The following CBR4 variants were observed in gnomAD, a reference collection of about 807,000 sequenced individuals.
The protein encoded by CBR4 is 3-oxoacyl-[acyl-carrier-protein] reductase.
A neutral mutation model predicts 21.0 loss-of-function variants in CBR4; 22 were observed. The ratio of observed to expected loss-of-function variants is 1.05; its 90% CI spans 0.75 to 1.50. CBR4 has a LOEUF of 1.50. Among genes scored for constraint, CBR4 ranks in the 40% most tolerant of loss-of-function variants. CBR4 has a pLI of 0.00. For synonymous variants in CBR4, 100 were observed against 104.4 expected (o/e 0.96, Z 0.26); for missense variants, 302 against 286.3 (o/e 1.05, Z -0.40).
At chr4:168,935,618 C>G (rs998104657) in intron 2 of CBR4, among the ~76,000 whole-genome samples, 1 of 152,088 alleles carries the variant, frequency 6.6e-6, no homozygotes, top group South Asian at 2.1e-4. Flanking sequence ...GGCAGTTATC[C>G]CCTCACGGTA....
At chr4:168,898,231 C>A (rs1040102146) in intron 2 of CBR4, 7 of 502,224 alleles carry the variant, frequency 1.4e-5, no homozygotes, top group Admixed American at 3.2e-5. Context: ...CCCCTCGCCT[C>A]AGAGAAAAGA....
At chr4:168,951,370 T>C (rs1013977801) in intron 2 of CBR4, among the ~76,000 whole-genome samples, 2 of 152,246 alleles carry the variant, frequency 1.3e-5, no homozygotes, top group African/African-American at 4.8e-5. Context: ...CTGTATCTTT[T>C]AAGTGGATCA....
chr4:168,895,335 T>C (rs977892913), intron 2 of CBR4, among the ~76,000 whole-genome samples: 8 of 152,118 alleles, frequency 5.3e-5, no homozygotes, highest in Non-Finnish European at 1.2e-4. Context: ...TGAGCTGAGG[T>C]TGTACCACTG....
chr4:168,987,660 A>G lies in CBR4; in HGVS notation c.*2490T>C, dbSNP rs543752793. 3 of 973,280 alleles carry G rather than the reference A, an allele frequency of 3.1e-6. No homozygotes were observed. The East Asian group carries it at 3.4e-4, about 111-fold the overall frequency. 60.3% of individuals were successfully genotyped at this position (973,280 alleles called of 1,614,324 possible). ...GTTAGGACAGTGGTTATGATTTCTC[A>G]ATTTACACATATTCCTTTTGAAAAT... On this transcript the variant is annotated 3_prime_UTR_variant, in exon 5 of 5. Coordinates refer to ENST00000306193, the MANE Select transcript of CBR4 (RefSeq NM_032783.5).
chr4:168,905,790 C>CTTTCTTTTTTTTT (rs1757627059), intron 2 of CBR4, among the ~76,000 whole-genome samples: 1 of 113,092 alleles, frequency 8.8e-6, no homozygotes. Context: ...GCTTTTTTTT[C>CTTTCTTTTTTTTT]TTTTTTTTTT....
rs950480850 is a variant in CBR4, at chr4:168,915,917, A to G, written n.170-21152T>C. ...AAGGCCTCGTTCTAGATCAAGGGAC[A>G]GTGGAGACGAAAATGAACCAATTCA... is the stretch of plus-strand genomic sequence containing the variant. On this transcript the variant is annotated intron_variant and non_coding_transcript_variant, in intron 2 of 3. Transcript: ENST00000509108. 1.2e-6 allele frequency: 2 copies of G among 1,613,128 alleles called. No homozygotes were observed. Among genetic ancestry groups the G allele is most frequent in the African/African-American group, 2.7e-5 (2 of 74,914 alleles).
intron 2 of CBR4, among the ~76,000 whole-genome samples, chr4:168,963,102 A>G (rs1763911434): frequency 6.6e-6 from 1 of 152,236 alleles, no homozygotes; most frequent in Non-Finnish European, 1.5e-5. Flanking sequence ...CCAGTATTTC[A>G]AAATCCATGT....
chr4:168,964,168 T>C (rs1224390742), intron 2 of CBR4, among the ~76,000 whole-genome samples: 1 of 152,248 alleles, frequency 6.6e-6, no homozygotes, highest in Admixed American at 6.5e-5. Context: ...AACAATACTC[T>C]GACAATATCA....
chr4:168,941,638 CCA>C (rs1292190410), intron 2 of CBR4, among the ~76,000 whole-genome samples: 12 of 152,180 alleles, frequency 7.9e-5, no homozygotes. Context: ...TAAGGAATCA[CCA>C]CACTGTCTTG....
At chr4:168,980,786 C>T (rs150550703) in intron 2 of CBR4, among the ~76,000 whole-genome samples, 107 of 152,190 alleles carry the variant, frequency 7.0e-4, no homozygotes, top group African/African-American at 2.5e-3. Context: ...TGAAAACATC[C>T]AGAAATGAAG....
chr4:168,910,119 G>A (rs1306823369), intron 2 of CBR4, among the ~76,000 whole-genome samples: 2 of 151,906 alleles, frequency 1.3e-5, no homozygotes, highest in East Asian at 1.9e-4. Context: ...GAAATATTCT[G>A]TGGCAATATT....
At chr4:168,959,367 T>C (rs556585940) in intron 2 of CBR4, among the ~76,000 whole-genome samples, 2 of 152,262 alleles carry the variant, frequency 1.3e-5, no homozygotes, top group South Asian at 4.1e-4. Context: ...CACTTCTGGG[T>C]TCTCTCTTTA....
At chr4:168,904,053 C>A in intron 2 of CBR4, 1 of 766,686 alleles carries the variant, frequency 1.3e-6, no homozygotes, top group Non-Finnish European at 2.2e-6. Flanking sequence ...ATCTTGGTTT[C>A]AGAGGATAGA....
chr4:168,951,478 C>CT (rs2126703461), intron 2 of CBR4, among the ~76,000 whole-genome samples: 1 of 152,024 alleles, frequency 6.6e-6, no homozygotes, highest in Admixed American at 6.5e-5. Context: ...TTTGTTTTTG[C>CT]TTTTTAAATT....
intron 1 of CBR4, 57 bp from the exon 2 acceptor site, chr4:169,007,813 T>C (rs892947032): frequency 1.5e-6 from 2 of 1,292,774 alleles, no homozygotes; most frequent in East Asian, 2.6e-5. Context: ...ATTTACTCAA[T>C]ACACATTTGT....
intron 2 of CBR4, among the ~76,000 whole-genome samples, chr4:168,968,725 C>A (rs1402387068): frequency 2.0e-5 from 3 of 152,212 alleles, no homozygotes; most frequent in African/African-American, 7.2e-5. Context: ...TGATAGGAAT[C>A]ACCACACTTC....
chr4:168,905,317 T>C (rs1757476524), intron 2 of CBR4, among the ~76,000 whole-genome samples: 1 of 151,218 alleles, frequency 6.6e-6, no homozygotes, highest in South Asian at 2.1e-4. Context: ...CCGGCTAATT[T>C]TTTTTTATTT....
At chr4:168,918,255 C>G (rs1760644716) in intron 2 of CBR4, among the ~76,000 whole-genome samples, 1 of 150,780 alleles carries the variant, frequency 6.6e-6, no homozygotes, top group Non-Finnish European at 1.5e-5. Flanking sequence ...TTCATTGCAG[C>G]ACTATTCATA....
intron 2 of CBR4, among the ~76,000 whole-genome samples, chr4:168,979,196 C>T (rs914746548): frequency 6.6e-6 from 1 of 151,862 alleles, no homozygotes; most frequent in African/African-American, 2.4e-5. Flanking sequence ...AGTCACCCCA[C>T]CCCCACTGAG....
Sources: gnomAD v4.1 joint callset for allele counts (sites outside exome capture counted in the v4.1 genomes callset) on GRCh38, gnomAD v4.1.1 for gene constraint, MANE v1.5 for transcripts, NCBI Gene and HGNC (gene_info 2026-07-23, HGNC 2026-07-21) for gene names.